Variants in ADCY10 observed in about 807,000 individuals in gnomAD.
ADCY10 encodes adenylate cyclase 10.
A neutral mutation model predicts 183.3 loss-of-function variants in ADCY10; 156 were observed. The observed-to-expected ratio is 0.85, with a 90% CI of 0.75 to 0.97. The LOEUF is 0.97. Among genes scored for constraint, ADCY10 ranks in the 50% least tolerant of loss-of-function variants. The pLI is 0.00. For synonymous variants in ADCY10, 645 were observed against 670.0 expected, an observed-to-expected ratio of 0.96 and a Z score of 0.58; for missense variants, 1,745 against 1,934.3, an observed-to-expected ratio of 0.90 and a Z score of 1.84.
Position 167,810,750 on chromosome 1 carries a change from T to A in ADCY10, c.4646A>T (p.Glu1549Val). 1 of 1,614,220 alleles carries A rather than the reference T, an allele frequency of 6.2e-7. No homozygotes were observed. Among genetic ancestry groups the A allele is most frequent in the Non-Finnish European group, 8.5e-7 (1 of 1,180,040 alleles). The change falls in exon 32 of 33, where the codon GAG becomes GTG. Residue 1549 changes from glutamate to valine, a missense_variant. Transcript: ENST00000367851. Reference protein sequence around the residue: ...RLSETQGNILEKCWLNMNKES... With the variant: ...RLSETQGNILVKCWLNMNKES... ...TTTGTTCATGTTCAGCCAGCATTTC[T>A]CCAGTATATTCCCCTGTGTTTCAGA...
At chr1:167,858,561 A>G (rs1156874363) in intron 16 of ADCY10, among the ~76,000 whole-genome samples, 1 of 151,822 alleles carries the variant, frequency 6.6e-6, no homozygotes, top group African/African-American at 2.4e-5. Context: ...AAACAGATAT[A>G]TAAGTAATGA....
Position 167,845,677 on chromosome 1 carries a change from C to G in ADCY10, c.2893G>C (p.Asp965His). 6.2e-7 allele frequency: 1 copy of G among 1,614,244 alleles called. No individual in the cohort carries two copies. The highest frequency in any genetic ancestry group is 2.2e-5 in the East Asian group (1 of 44,894). Reference sequence around the variant, plus strand: ...ATGAAGTCCCTGCCTCGGCAGTGGTCACATCTGTGGGCATCTTCTTCTAAA... The same window carrying G: ...ATGAAGTCCCTGCCTCGGCAGTGGTGACATCTGTGGGCATCTTCTTCTAAA... ...RFLEEDAHRCDHCRGRDFIPY... is the reference protein window; with the variant it reads ...RFLEEDAHRCHHCRGRDFIPY... Residue 965 changes from aspartate to histidine, a missense_variant, in exon 21 of 33, where the codon GAC (aspartate) becomes CAC (histidine). Coordinates refer to ENST00000367851, the MANE Select transcript of ADCY10 (RefSeq NM_018417.6).
chr1:167,823,162 G>A, intron 28 of ADCY10, 39 bp from the exon 29 acceptor site: 1 of 1,573,494 alleles, frequency 6.4e-7, no homozygotes, highest in Non-Finnish European at 8.7e-7. Flanking sequence ...AAAAAGTGGT[G>A]GATATTGTAA....
Position 167,829,336 on chromosome 1 carries a change from G to A in ADCY10, c.3681C>T (p.Cys1227=). The change falls in exon 26 of 33, where the codon TGC becomes TGT. Residue 1227 remains cysteine (C), a synonymous_variant. Coordinates refer to ENST00000367851, the MANE Select transcript of ADCY10 (RefSeq NM_018417.6). The part of the protein sequence containing the change: ...RIYSYSYLFH[C]KYYAHLAVMM... ...TAACTGCCAGGTGGGCATAATACTT[G>A]CAGTGAAAAAGATAACTGTAGCTAT... 3 of 1,614,132 alleles carry A rather than the reference G, an allele frequency of 1.9e-6. No homozygotes were observed. The highest frequency in any genetic ancestry group is 8.5e-7 in the Non-Finnish European group (1 of 1,179,968).
intron 12 of ADCY10, among the ~76,000 whole-genome samples, chr1:167,875,907 C>T (rs1169431125): frequency 1.3e-5 from 2 of 151,628 alleles, no homozygotes; most frequent in South Asian, 2.1e-4. Flanking sequence ...GAGCCGAGAT[C>T]GCACCACTGC....
intron 31 of ADCY10, among the ~76,000 whole-genome samples, chr1:167,817,162 A>G (rs932054030): frequency 6.6e-6 from 1 of 152,088 alleles, no homozygotes; most frequent in Non-Finnish European, 1.5e-5. Context: ...TCAAGAGTTC[A>G]AGACCAGCCT....
intron 14 of ADCY10, among the ~76,000 whole-genome samples, chr1:167,865,402 A>AT (rs1481708019): frequency 1.3e-5 from 2 of 152,218 alleles, no homozygotes; most frequent in African/African-American, 4.8e-5. Context: ...TGAAGCACCA[A>AT]CCTGCTCTTT....
At chr1:167,899,349 C>T (rs969109033) in intron 6 of ADCY10, 74 bp downstream of exon 6, 13 of 1,452,728 alleles carry the variant, frequency 8.9e-6, no homozygotes, top group African/African-American at 1.4e-5. Context: ...ACCAGCGTGC[C>T]CAGTGACTCT....
Position 167,868,312 on chromosome 1 carries a change from G to T in ADCY10, c.1616+1945C>A, listed in dbSNP as rs554670913. Among the ~76,000 whole-genome samples the T allele has an allele frequency of 2.0e-5, 3 of 152,162 alleles. No homozygotes were observed. The South Asian group carries it at 6.2e-4, about 32-fold the overall frequency. ...AGACCCAGTTCCTGATGAATTCCCG[G>T]CCCAAAAGAATCACCCTGATCATTT... is the stretch of plus-strand genomic sequence containing the variant. On this transcript the variant is annotated intron_variant, in intron 14 of 32. Coordinates refer to ENST00000367851, the MANE Select transcript of ADCY10 (RefSeq NM_018417.6).
intron 9 of ADCY10, among the ~76,000 whole-genome samples, chr1:167,883,118 A>C (rs1571395039): frequency 6.6e-6 from 1 of 152,108 alleles, no homozygotes; most frequent in African/African-American, 2.4e-5. Flanking sequence ...GCTCACTGCA[A>C]CCTCCGCCTC....
chr1:167,904,902 G>A (rs747897263), intron 2 of ADCY10, 91 bp downstream of exon 2: 1 of 1,566,776 alleles, frequency 6.4e-7, no homozygotes, highest in Non-Finnish European at 8.8e-7. Context: ...CTCCAGAATG[G>A]CCTCCCTACT....
At chr1:167,867,902 C>T in intron 14 of ADCY10, among the ~76,000 whole-genome samples, 1 of 152,172 alleles carries the variant, frequency 6.6e-6, no homozygotes, top group Admixed American at 6.5e-5. Context: ...GAAAAAGACC[C>T]TGTTTAGCTC....
At chr1:167,843,327 T>A (rs1247417197) in intron 21 of ADCY10, among the ~76,000 whole-genome samples, 1 of 152,180 alleles carries the variant, frequency 6.6e-6, no homozygotes, top group Non-Finnish European at 1.5e-5. Context: ...AAAAAATGCA[T>A]CTATGTATAT....
At chr1:167,873,346 A>G (rs975114796) in intron 13 of ADCY10, among the ~76,000 whole-genome samples, 1 of 152,090 alleles carries the variant, frequency 6.6e-6, no homozygotes, top group African/African-American at 2.4e-5. Flanking sequence ...CTGCTGGCCC[A>G]AGTGTTTTTT....
intron 26 of ADCY10, among the ~76,000 whole-genome samples, chr1:167,828,234 T>C (rs1663459448): frequency 6.6e-6 from 1 of 152,266 alleles, no homozygotes; most frequent in African/African-American, 2.4e-5. Flanking sequence ...GTGATTATTA[T>C]GCTGTTACTA....
chr1:167,837,688 A>G (rs1664327052), intron 21 of ADCY10, among the ~76,000 whole-genome samples: 1 of 152,198 alleles, frequency 6.6e-6, no homozygotes, highest in African/African-American at 2.4e-5. Flanking sequence ...ATTATTTCAT[A>G]AGGGGGAAAT....
chr1:167,901,666 C>A lies in ADCY10; in HGVS notation c.432G>T (p.Lys144Asn), dbSNP rs1669433175. The A allele has an allele frequency of 1.9e-6, 3 of 1,614,124 alleles. No homozygotes were observed. The highest frequency in any genetic ancestry group is 4.5e-5 in the East Asian group (2 of 44,888). The change falls in exon 5 of 33, where the codon AAG becomes AAT. Residue 144 changes from lysine to asparagine, a missense_variant. Transcript: ENST00000367851. ...EWEEGLDIRV[K>N]IGLAAGHISM... ...TATTCCTTCTCAAATGCTTACCTAT[C>A]TTGACTCGGATGTCTAGGCCTTCTT...
intron 2 of ADCY10, 33 bp downstream of exon 2, chr1:167,904,960 T>C (rs1177133536): frequency 6.8e-6 from 11 of 1,614,186 alleles, no homozygotes; most frequent in Non-Finnish European, 9.3e-6. Context: ...CTGTTGCTCA[T>C]CCACATTAAA....
chr1:167,889,402 C>A (rs1241322715), intron 8 of ADCY10, among the ~76,000 whole-genome samples: 1 of 143,816 alleles, frequency 7.0e-6, no homozygotes, highest in Non-Finnish European at 1.6e-5. Context: ...GTCCAACCAC[C>A]CTTGCATCCC....
Sources: allele counts gnomAD v4.1 joint callset (sites outside exome capture counted in the v4.1 genomes callset), GRCh38; gene constraint gnomAD v4.1.1; transcripts MANE v1.5; gene names NCBI Gene and HGNC (gene_info 2026-07-23, HGNC 2026-07-21).